CAMK2A: variants seen among roughly 807,000 people sequenced by gnomAD.
The protein encoded by CAMK2A is calcium/calmodulin-dependent protein kinase type II subunit alpha.
A neutral mutation model predicts 79.2 loss-of-function variants in CAMK2A; 7 were observed. The ratio of observed to expected loss-of-function variants is 0.09; its 90% CI spans 0.05 to 0.17. The LOEUF is 0.17. Among genes scored for constraint, CAMK2A ranks in the 10% least tolerant of loss-of-function variants. The probability of loss-of-function intolerance (pLI) is 1.00; values close to 1 mark genes in which losing one functional copy is unlikely to be tolerated. For synonymous variants in CAMK2A, 242 were observed against 251.7 expected (o/e 0.96, Z 0.36); for missense variants, 214 against 646.4 (o/e 0.33, Z 7.25).
chr5:150,262,532 A>G (rs1056575978), intron 3 of CAMK2A, among the ~76,000 whole-genome samples: 1 of 151,888 alleles, frequency 6.6e-6, no homozygotes, highest in African/African-American at 2.4e-5. Context: ...CCCCACTCCC[A>G]TTCCCCATCC....
intron 2 of CAMK2A, among the ~76,000 whole-genome samples, chr5:150,266,991 A>C (rs1344600143): frequency 2.6e-5 from 4 of 152,212 alleles, no homozygotes; most frequent in Non-Finnish European, 5.9e-5. Context: ...AGCCAAAATC[A>C]ATACTGAAAG....
chr5:150,275,741 G>A (rs1674659534), intron 1 of CAMK2A, among the ~76,000 whole-genome samples: 1 of 152,230 alleles, frequency 6.6e-6, no homozygotes, highest in South Asian at 2.1e-4. Flanking sequence ...CACAGAGCAA[G>A]GTCTGGAAGG....
intron 1 of CAMK2A, among the ~76,000 whole-genome samples, chr5:150,283,865 G>A (rs868269282): frequency 1.3e-5 from 2 of 152,186 alleles, no homozygotes; most frequent in Non-Finnish European, 2.9e-5. Context: ...GATTCCAGAT[G>A]TGTTCCTCTT....
chr5:150,262,648 G>C (rs1025881056), intron 3 of CAMK2A, among the ~76,000 whole-genome samples: 1 of 152,122 alleles, frequency 6.6e-6, no homozygotes, highest in Non-Finnish European at 1.5e-5. Flanking sequence ...ATGACTCAAT[G>C]ATGATGATGA....
At chr5:150,245,532 C>T (rs1755530729) in intron 12 of CAMK2A, among the ~76,000 whole-genome samples, 2 of 152,218 alleles carry the variant, frequency 1.3e-5, no homozygotes, top group Non-Finnish European at 2.9e-5. Flanking sequence ...CCTGTCACCA[C>T]CGTGCTGGCG....
intron 7 of CAMK2A, among the ~76,000 whole-genome samples, chr5:150,253,072 C>G (rs1227803190): frequency 6.6e-6 from 1 of 152,204 alleles, no homozygotes; most frequent in Non-Finnish European, 1.5e-5. Flanking sequence ...TTTTCCTCAT[C>G]TATAAAATCA....
chr5:150,288,035 G>A (rs535943972), intron 1 of CAMK2A, among the ~76,000 whole-genome samples: 17 of 150,916 alleles, frequency 1.1e-4, no homozygotes, highest in Admixed American at 1.1e-3. Context: ...GCAGACACCA[G>A]CATGAGCTCA....
chr5:150,289,626 C>T lies in CAMK2A; in HGVS notation c.-1G>A, dbSNP rs765428269. 1.9e-6 allele frequency: 3 copies of T among 1,613,658 alleles called. No homozygotes were observed. Among genetic ancestry groups the T allele is most frequent in the Non-Finnish European group, 2.5e-6 (3 of 1,179,736 alleles). On this transcript the variant is annotated 5_prime_UTR_variant, in exon 1 of 19. Coordinates refer to ENST00000671881, the MANE Select transcript of CAMK2A (RefSeq NM_015981.4). The stretch of plus-strand genomic sequence containing the variant: ...AGCGGGTGCAGGTGATGGTGGCCAT[C>T]CTGGCGCTGGGCAGGCAGGTGAGGC...
chr5:150,223,247 G>T lies in CAMK2A; in HGVS notation c.1238-30C>A. 1 of 1,572,248 alleles carries T rather than the reference G, an allele frequency of 6.4e-7. No individual in the cohort carries two copies. The highest frequency in any genetic ancestry group is 1.1e-5 in the South Asian group (1 of 89,958). On this transcript the variant is annotated intron_variant, in intron 17 of 18. Transcript: ENST00000671881. This position sits in a 1 kb window ranked among gnomAD's most constrained non-coding sequence, Gnocchi z 4.1. ...AGGAGGGGATGGGAGGGGCAGAGGA[G>T]ATGCAACCGGGGGCCTCCTGTCTCA...
intron 3 of CAMK2A, among the ~76,000 whole-genome samples, chr5:150,261,773 A>T (rs1756315547): frequency 6.6e-6 from 1 of 152,200 alleles, no homozygotes; most frequent in African/African-American, 2.4e-5. Context: ...CTATGTAGCT[A>T]TGGGCAAATG....
chr5:150,256,774 C>T lies in CAMK2A; in HGVS notation c.330G>A (p.Ala110=), dbSNP rs200008559. 393 of 1,613,962 alleles carry T rather than the reference C, an allele frequency of 2.4e-4. 1 individual carries two copies. Among genetic ancestry groups the T allele is most frequent in the East Asian group, 9.8e-4 (44 of 44,874 alleles). ...CAGCACCTGACACTCACCTGGCATC[C>T]GCCTCACTGTAATACTCCCGGGCCA... ...DIVAREYYSE[A]DASHCIQQIL... Residue 110 remains alanine (A), a synonymous_variant, in exon 5 of 19, where the codon GCG becomes GCA. Coordinates refer to ENST00000671881, the MANE Select transcript of CAMK2A (RefSeq NM_015981.4). The surrounding 1 kb of genome is among the most constrained non-coding windows in gnomAD (Gnocchi z 4.6).
At chr5:150,269,896 C>G (rs371977263) in intron 2 of CAMK2A, among the ~76,000 whole-genome samples, 36 of 152,328 alleles carry the variant, frequency 2.4e-4, no homozygotes, top group African/African-American at 7.9e-4. Flanking sequence ...GAATGACACT[C>G]TAGTGCAGGC....
intron 1 of CAMK2A, among the ~76,000 whole-genome samples, chr5:150,283,086 C>T (rs1757281389): frequency 6.6e-6 from 1 of 152,230 alleles, no homozygotes; most frequent in Non-Finnish European, 1.5e-5. Flanking sequence ...CTAAAGCCCC[C>T]CAATTCCTTG....
rs752482081 is a variant in CAMK2A, at chr5:150,251,807, C to G, written c.636G>C (p.Pro212=). 1 of 1,608,344 alleles carries G rather than the reference C, an allele frequency of 6.2e-7. No individual in the cohort carries two copies. Among genetic ancestry groups the G allele is most frequent in the East Asian group, 2.2e-5 (1 of 44,854 alleles). ...GGCGGTGCTGGTCCTCATCCCAGAACGGGGGGTACCCAACCAGCAGGATGT... is the reference window on the plus strand; with the variant it reads ...GGCGGTGCTGGTCCTCATCCCAGAAGGGGGGGTACCCAACCAGCAGGATGT... The part of the protein sequence containing the change: ...ILYILLVGYP[P]FWDEDQHRLY... The change falls in exon 9 of 19, where the codon CCG becomes CCC. Residue 212 remains proline (P), a synonymous_variant. Coordinates refer to ENST00000671881, the MANE Select transcript of CAMK2A (RefSeq NM_015981.4).
chr5:150,233,320 C>G (rs11748802), intron 15 of CAMK2A, among the ~76,000 whole-genome samples: 1 of 152,282 alleles, frequency 6.6e-6, no homozygotes, highest in Non-Finnish European at 1.5e-5. Flanking sequence ...GTTTGCAGCC[C>G]TAAAGCCCAT....
chr5:150,260,788 T>A (rs545809056), intron 3 of CAMK2A, among the ~76,000 whole-genome samples: 102 of 152,374 alleles, frequency 6.7e-4, no homozygotes, highest in African/African-American at 2.4e-3. Flanking sequence ...TTCTCATTTA[T>A]CTGCAATAAA....
rs1754425912 is a variant in CAMK2A, at chr5:150,223,229, G to A, written c.1238-12C>T. 1.9e-6 allele frequency: 3 copies of A among 1,607,684 alleles called. No homozygotes were observed. Among genetic ancestry groups the A allele is most frequent in the East Asian group, 2.2e-5 (1 of 44,860 alleles). ...GTTCCGGGACCACACTGGAGGAGGG[G>A]ATGGGAGGGGCAGAGGAGATGCAAC... is the stretch of plus-strand genomic sequence containing the variant. On this transcript the variant is annotated splice_polypyrimidine_tract_variant and intron_variant, in intron 17 of 18. Coordinates refer to ENST00000671881, the MANE Select transcript of CAMK2A (RefSeq NM_015981.4). This position sits in a 1 kb window ranked among gnomAD's most constrained non-coding sequence, Gnocchi z 4.1.
intron 17 of CAMK2A, among the ~76,000 whole-genome samples, chr5:150,226,970 C>T (rs1315248440): frequency 6.6e-6 from 1 of 151,672 alleles, no homozygotes; most frequent in Non-Finnish European, 1.5e-5. Context: ...TGGGGTTTCA[C>T]CACATTGGCC....
chr5:150,289,814 G>A (rs543751902), upstream of CAMK2A: 6 of 553,098 alleles, frequency 1.1e-5, no homozygotes, highest in East Asian at 1.2e-4. Context: ...GCGAGCCTTC[G>A]TCAGCATCCA....
Sources: allele counts gnomAD v4.1 joint callset (sites outside exome capture counted in the v4.1 genomes callset), GRCh38; gene constraint gnomAD v4.1.1; non-coding constraint Gnocchi (gnomAD v3.1); transcripts MANE v1.5; gene names NCBI Gene and HGNC (gene_info 2026-07-23, HGNC 2026-07-21).